Variants in PTPRC observed in about 807,000 individuals in gnomAD.
The protein encoded by PTPRC is protein tyrosine phosphatase receptor type C, also known as receptor-type tyrosine-protein phosphatase C.
Under a neutral mutation model 155.9 loss-of-function variants are expected in PTPRC, and 44 were observed. The ratio of observed to expected loss-of-function variants is 0.28; its 90% confidence interval spans 0.22 to 0.36. The LOEUF is 0.36. Ranked by LOEUF, PTPRC falls within the 10% of genes least tolerant of loss-of-function variation. PTPRC has a pLI of 1.00. For synonymous variants in PTPRC, 525 were observed against 533.1 expected (o/e 0.98, Z 0.21); for missense variants, 1,401 against 1,564.6 (o/e 0.90, Z 1.76).
Position 198,706,820 on chromosome 1 carries a change from G to A in PTPRC, c.772G>A (p.Val258Met), listed in dbSNP as rs1407279022. Residue 258 changes from valine (V) to methionine (M), a missense_variant, in exon 9 of 33, where the codon GTG becomes ATG. Around this residue, in one of 3 missense-constraint regions of PTPRC, gnomAD observed 867 missense variants for 970.4 expected, o/e 0.89. Coordinates refer to ENST00000442510, the MANE Select transcript of PTPRC (RefSeq NM_002838.5). ...FTAKLNVNEN[V>M]ECGNNTCTNN... ...AGCAAAGCTAAATGTTAATGAGAAT[G>A]TGGAATGTGGAAACAATACTTGCAC... 6.2e-7 allele frequency: 1 copy of A among 1,613,106 alleles called. No individual in the cohort carries two copies. Among genetic ancestry groups the A allele is most frequent in the South Asian group, 1.1e-5 (1 of 91,052 alleles).
chr1:198,742,481 T>C, intron 25 of PTPRC, 114 bp downstream of exon 25: 2 of 1,320,114 alleles, frequency 1.5e-6, no homozygotes, highest in Non-Finnish European at 2.1e-6. Flanking sequence ...CCTCAAACAG[T>C]AGATGATTTC....
Position 198,639,352 on chromosome 1 carries a change from G to T in PTPRC, c.73+11G>T. The T allele has an allele frequency of 6.3e-7, 1 of 1,580,250 alleles. No homozygotes were observed. Among genetic ancestry groups the T allele is most frequent in the Non-Finnish European group, 8.7e-7 (1 of 1,152,202 alleles). On this transcript the variant is annotated intron_variant, in intron 2 of 32. Coordinates refer to ENST00000442510, the MANE Select transcript of PTPRC (RefSeq NM_002838.5). ...AAGTATTTGTGACAGGTAAGTACAA[G>T]GATATTAATATTTTTTAAATTATTT...
At chr1:198,695,009 A>G in intron 3 of PTPRC, 1 of 956,716 alleles carries the variant, frequency 1.0e-6, no homozygotes, top group Middle Eastern at 5.4e-4. Context: ...TTAGAAAATA[A>G]CACACATAAC....
At chr1:198,689,690 T>C (rs1421571292) in intron 2 of PTPRC, among the ~76,000 whole-genome samples, 2 of 152,200 alleles carry the variant, frequency 1.3e-5, no homozygotes, top group Non-Finnish European at 2.9e-5. Flanking sequence ...TGATTTCTCC[T>C]TTGCACTTAC....
In PTPRC at chr1:198,703,387, A is replaced by T; in HGVS notation, c.658+15A>T. ...CACAACAATAGGTGATATTACCCTCAGTCAGGCAGCCACACCATCCCCATG... is the reference window on the plus strand; with the variant it reads ...CACAACAATAGGTGATATTACCCTCTGTCAGGCAGCCACACCATCCCCATG... On this transcript the variant is annotated intron_variant, in intron 7 of 32. Coordinates refer to ENST00000442510, the MANE Select transcript of PTPRC (RefSeq NM_002838.5). 6.2e-7 allele frequency: 1 copy of T among 1,611,464 alleles called. No individual in the cohort carries two copies. Among genetic ancestry groups the T allele is most frequent in the Non-Finnish European group, 8.5e-7 (1 of 1,180,028 alleles).
chr1:198,699,798 A>G, intron 5 of PTPRC, 94 bp downstream of exon 5: 2 of 1,505,858 alleles, frequency 1.3e-6, no homozygotes, highest in African/African-American at 1.4e-5. Context: ...CACTTATTCA[A>G]TGTGCAGCTA....
Position 198,731,697 on chromosome 1 carries a change from G to A in PTPRC, c.1945G>A (p.Glu649Lys), listed in dbSNP as rs1654395210. The A allele has an allele frequency of 6.2e-7, 1 of 1,609,788 alleles. No homozygotes were observed. Among genetic ancestry groups the A allele is most frequent in the Non-Finnish European group, 8.5e-7 (1 of 1,176,504 alleles). Residue 649 changes from glutamate (E) to lysine (K), a missense_variant, in exon 18 of 33, where the codon GAA (glutamate) becomes AAA (lysine). Glu to Lys is a moderately conservative substitution (Grantham distance 56). This residue lies in a region of PTPRC where 867 missense variants were observed against 970.4 expected (regional missense o/e 0.89). Coordinates refer to ENST00000442510, the MANE Select transcript of PTPRC (RefSeq NM_002838.5). ...LETYKRKIAD[E>K]GRLFLAEFQS... ...AACTTATAAGAGGAAGATTGCTGAT[G>A]AAGGAAGACTTTTTCTGGCTGAATT...
rs1232066536 is a variant in PTPRC, at chr1:198,706,738, A to G, written c.690A>G (p.Glu230=). Residue 230 remains glutamate, a synonymous_variant, in exon 9 of 33, where the codon GAA becomes GAG. Transcript: ENST00000442510. The part of the protein sequence containing the change: ...ATTPSKPTCD[E]KYANITVDYL... ...CAATGTTCTATTTTCTTTTAGATGA[A>G]AAATATGCAAACATCACTGTGGATT... 1.9e-6 allele frequency: 3 copies of G among 1,608,434 alleles called. No individual in the cohort carries two copies. Among genetic ancestry groups the G allele is most frequent in the Non-Finnish European group, 2.5e-6 (3 of 1,176,660 alleles).
chr1:198,730,659 G>A (rs948183689), intron 17 of PTPRC, among the ~76,000 whole-genome samples: 1 of 152,050 alleles, frequency 6.6e-6, no homozygotes, highest in African/African-American at 2.4e-5. Context: ...TCTCAAAATT[G>A]GTACCGATTG....
At chr1:198,736,203 C>T (rs371733583) in intron 23 of PTPRC, among the ~76,000 whole-genome samples, 1 of 151,540 alleles carries the variant, frequency 6.6e-6, no homozygotes, top group East Asian at 1.9e-4. Context: ...CCCAGTTATA[C>T]TCTTTTGGTT....
chr1:198,713,835 C>G (rs905425245), intron 12 of PTPRC, among the ~76,000 whole-genome samples: 29 of 152,146 alleles, frequency 1.9e-4, no homozygotes, highest in Non-Finnish European at 3.8e-4. Flanking sequence ...AATTCTGTCA[C>G]TCTGTGCTGT....
At chr1:198,681,687 G>C (rs1557993040) in intron 2 of PTPRC, among the ~76,000 whole-genome samples, 1 of 152,014 alleles carries the variant, frequency 6.6e-6, no homozygotes, top group Non-Finnish European at 1.5e-5. Flanking sequence ...CAAATCAATG[G>C]TGACTTTTTA....
At chr1:198,681,122 A>G (rs1040008745) in intron 2 of PTPRC, among the ~76,000 whole-genome samples, 2 of 152,192 alleles carry the variant, frequency 1.3e-5, no homozygotes, top group Non-Finnish European at 2.9e-5. Context: ...AGGGATGAAG[A>G]GCTGGCCCAA....
At chr1:198,735,442 T>C (rs1453270480) in intron 23 of PTPRC, among the ~76,000 whole-genome samples, 190 bp downstream of exon 23, 3 of 151,608 alleles carry the variant, frequency 2.0e-5, no homozygotes, top group African/African-American at 4.8e-5. Context: ...AAGACGTTTT[T>C]GTCCAACTCA....
At chr1:198,706,678 T>C (rs1652989406) in intron 8 of PTPRC, 56 bp from the exon 9 acceptor site, 1 of 1,556,572 alleles carries the variant, frequency 6.4e-7, no homozygotes, top group Admixed American at 1.7e-5. Context: ...GCATTTGCAT[T>C]AATGTAGTTT....
intron 8 of PTPRC, among the ~76,000 whole-genome samples, chr1:198,706,335 T>C (rs1652967071): frequency 6.6e-6 from 1 of 152,178 alleles, no homozygotes; most frequent in Non-Finnish European, 1.5e-5. Context: ...AAGAAAATTA[T>C]AAAGCAAGAA....
intron 4 of PTPRC, among the ~76,000 whole-genome samples, chr1:198,697,718 T>A (rs1379971049): frequency 6.6e-6 from 1 of 152,250 alleles, no homozygotes; most frequent in African/African-American, 2.4e-5. Context: ...CATACTCTGA[T>A]AAAAGATACT....
intron 2 of PTPRC, chr1:198,679,245 T>C: frequency 6.4e-6 from 1 of 157,192 alleles, no homozygotes; most frequent in Non-Finnish European, 1.4e-5. Context: ...TTTTTTTTTT[T>C]TTTTTTGAGA....
intron 4 of PTPRC, among the ~76,000 whole-genome samples, chr1:198,698,640 A>AAGAT (rs961715838): frequency 2.4e-4 from 36 of 152,124 alleles, no homozygotes; most frequent in Middle Eastern, 3.4e-3. Context: ...TTATTTTATA[A>AAGAT]AGATAGTTTA....
Sources: allele counts gnomAD v4.1 joint callset (sites outside exome capture counted in the v4.1 genomes callset), GRCh38; gene constraint gnomAD v4.1.1; regional missense constraint gnomAD v4.1.1; transcripts MANE v1.5; gene names NCBI Gene and HGNC (gene_info 2026-07-23, HGNC 2026-07-21).